CCND3: variants seen among roughly 807,000 people sequenced by gnomAD.
The protein encoded by CCND3 is cyclin D3, also known as G1/S-specific cyclin-D3.
In CCND3, 9 loss-of-function variants were observed where a neutral mutation model predicts 28.7. That is an observed-to-expected ratio of 0.31 (90% CI 0.19 to 0.55). The LOEUF (loss-of-function observed/expected upper bound fraction) is 0.55, where lower values mean the gene tolerates loss of function less well. CCND3 is among the 20% of genes least tolerant of loss of function. The probability of loss-of-function intolerance (pLI) is 0.93; values close to 1 mark genes in which losing one functional copy is unlikely to be tolerated. For missense variants in CCND3, 315 were observed against 385.8 expected, an observed-to-expected ratio of 0.82 and a Z score of 1.54; for synonymous variants, 164 against 163.9, an observed-to-expected ratio of 1.00 and a Z score of 0.00.
intron 1 of CCND3, among the ~76,000 whole-genome samples, chr6:42,034,468 C>CTCA (rs1554168156): frequency 2.0e-5 from 1 of 50,978 alleles, no homozygotes; most frequent in East Asian, 6.7e-4. Context: ...CCCTGTCACT[C>CTCA]TTTTTTTTTT....
intron 1 of CCND3, among the ~76,000 whole-genome samples, chr6:42,029,559 C>T (rs1179005413): frequency 1.3e-5 from 2 of 151,930 alleles, no homozygotes; most frequent in African/African-American, 4.8e-5. Context: ...TCACTGGGGC[C>T]GGGCACAGTG....
intron 1 of CCND3, among the ~76,000 whole-genome samples, chr6:41,972,240 A>AGAAAAGAAAAGAAAAG (rs1554162049): frequency 1.0e-5 from 1 of 99,738 alleles, no homozygotes; most frequent in Non-Finnish European, 2.0e-5. Context: ...AAAAAAAAAA[A>AGAAAAGAAAAGAAAAG]AAAAGAAAAG....
chr6:42,049,923 TAAG>T (rs1764685064), upstream of CCND3: 1 of 152,210 alleles, frequency 6.6e-6, no homozygotes, highest in Non-Finnish European at 1.5e-5. Context: ...TTACTAATAA[TAAG>T]ACAAGTTTGG....
intron 1 of CCND3, among the ~76,000 whole-genome samples, chr6:42,026,638 T>A (rs755502859): frequency 6.6e-6 from 1 of 152,080 alleles, no homozygotes; most frequent in Non-Finnish European, 1.5e-5. Flanking sequence ...AAAATCCACT[T>A]TCCCTTCTTG....
intron 1 of CCND3, among the ~76,000 whole-genome samples, chr6:41,951,563 C>A (rs1472891423): frequency 2.1e-4 from 16 of 77,010 alleles, no homozygotes; most frequent in African/African-American, 6.5e-4. Flanking sequence ...CACACACACA[C>A]ACACACACAC....
At position 42,025,217 on chromosome 6, in the gene CCND3, A is replaced by G. The variant is rs1175658854; in HGVS notation, c.-46+23284T>C. Among the ~76,000 whole-genome samples, 3 of 152,348 alleles carry G rather than the reference A, an allele frequency of 2.0e-5. 1 individual carries two copies. The highest frequency in any genetic ancestry group is 2.0e-4 in the Admixed American group (3 of 15,298). On this transcript the variant is annotated intron_variant, in intron 1 of 4. Transcript: ENST00000372988. The stretch of plus-strand genomic sequence containing the variant: ...TGTGAGAGGAAACAGGGAGCCTGAC[A>G]GCTCTCCGAGCAGGCCAGGGCAGGG...
Position 41,936,803 on chromosome 6 carries a change from G to A in CCND3, c.575-108C>T. On this transcript the variant is annotated intron_variant, in intron 3 of 4. Coordinates refer to ENST00000372991, the MANE Select transcript of CCND3 (RefSeq NM_001760.5). This position sits in a 1 kb window ranked among gnomAD's most constrained non-coding sequence, Gnocchi z 4.4. ...GCCAGGCAGCATGAGTAGAGCAGAG[G>A]ACATGCTGGAAAACTCCAGCAGTGG... The A allele has an allele frequency of 1.7e-6, 2 of 1,186,912 alleles. No homozygotes were observed. Among genetic ancestry groups the A allele is most frequent in the South Asian group, 1.5e-5 (1 of 66,882 alleles). 73.5% of individuals were successfully genotyped at this position (1,186,912 alleles called of 1,614,324 possible).
At chr6:41,951,382 G>A (rs951885786) in intron 1 of CCND3, among the ~76,000 whole-genome samples, 2 of 151,604 alleles carry the variant, frequency 1.3e-5, no homozygotes, top group South Asian at 4.2e-4. Context: ...GTGAAACCCC[G>A]TCTGTACTAA....
chr6:42,042,764 A>C (rs558683733), intron 1 of CCND3, among the ~76,000 whole-genome samples: 1 of 152,280 alleles, frequency 6.6e-6, no homozygotes, highest in African/African-American at 2.4e-5. Flanking sequence ...GTGAGGATGC[A>C]AAAAAGACAC....
intron 1 of CCND3, among the ~76,000 whole-genome samples, chr6:41,986,904 A>G (rs946099417): frequency 2.0e-5 from 3 of 152,078 alleles, no homozygotes; most frequent in Admixed American, 1.3e-4. Context: ...TCAGGCCCAT[A>G]CTTGCATGAT....
chr6:41,975,672 G>A (rs1265690109), intron 1 of CCND3, among the ~76,000 whole-genome samples: 1 of 151,984 alleles, frequency 6.6e-6, no homozygotes. Context: ...GACTCACTGG[G>A]AGTAGTGAAA....
chr6:41,960,712 G>A (rs1761696479), intron 1 of CCND3, among the ~76,000 whole-genome samples: 1 of 152,206 alleles, frequency 6.6e-6, no homozygotes, highest in Non-Finnish European at 1.5e-5. Flanking sequence ...CATGGTGGAT[G>A]GATGGACAGA....
intron 1 of CCND3, among the ~76,000 whole-genome samples, chr6:41,990,660 ATTTTTTTTTTTTTTTTT>A (rs67939325): frequency 2.5e-5 from 3 of 121,276 alleles, no homozygotes; most frequent in Non-Finnish European, 3.3e-5. Context: ...TAACCAACTG[ATTTTTTTTTTTTTTTTT>A]TTTTTTTTTT....
At chr6:42,029,837 CAA>C (rs34732029) in intron 1 of CCND3, among the ~76,000 whole-genome samples, 288 of 118,170 alleles carry the variant, frequency 2.4e-3, no homozygotes, top group African/African-American at 4.8e-3. Context: ...AACTCTGTCT[CAA>C]AAAAAAAAAA....
chr6:41,938,841 T>G lies in CCND3; in HGVS notation c.415-1447A>C, dbSNP rs1190702105. Among the ~76,000 whole-genome samples the G allele has an allele frequency of 6.6e-6, 1 of 152,148 alleles. No individual in the cohort carries two copies. The highest frequency in any genetic ancestry group is 6.5e-5 in the Admixed American group (1 of 15,280). ...TGCCCTCCTTCCTTGGGCCTCAGCC[T>G]CCTCTGCTGCACACGGATTTGGACC... On this transcript the variant is annotated intron_variant, in intron 2 of 4. Transcript: ENST00000372991. The surrounding 1 kb of genome is among the most constrained non-coding windows in gnomAD (Gnocchi z 4.6).
At chr6:41,964,472 GTGAGTGTGTGTGAA>G (rs1218299781) in intron 1 of CCND3, among the ~76,000 whole-genome samples, 1 of 134,014 alleles carries the variant, frequency 7.5e-6, no homozygotes, top group African/African-American at 3.1e-5. Context: ...GAGTGTGTGT[GTGAGTGTGTGTGAA>G]TGTGTGTGTG....
intron 1 of CCND3, among the ~76,000 whole-genome samples, chr6:42,044,916 G>A (rs1292404155): frequency 5.3e-5 from 8 of 149,886 alleles, no homozygotes; most frequent in Admixed American, 5.3e-4. Context: ...AGCCTCCTGA[G>A]TAGGTGGGAT....
intron 1 of CCND3, among the ~76,000 whole-genome samples, chr6:41,955,808 C>T (rs1018022319): frequency 2.6e-4 from 39 of 151,668 alleles, no homozygotes; most frequent in African/African-American, 8.2e-4. Flanking sequence ...AAAAATTAGC[C>T]AGGTATGGTG....
At position 41,935,087 on chromosome 6, in the gene CCND3, C is replaced by T. The variant is rs1775723968; in HGVS notation, c.*853G>A. 1 of 233,258 alleles carries T rather than the reference C, an allele frequency of 4.3e-6. No individual in the cohort carries two copies. Among genetic ancestry groups the T allele is most frequent in the Non-Finnish European group, 8.5e-6 (1 of 118,102 alleles). The allele number at this position is 233,258 out of a possible 1,614,324, so 14.4% of individuals were successfully genotyped here. A position where few individuals can be genotyped will look rare whatever the true frequency, so the allele number is the denominator to read the frequency against. On this transcript the variant is annotated 3_prime_UTR_variant, in exon 5 of 5. Transcript: ENST00000372991. ...GACAGGGGCTCAGCCACCTCCAGGG[C>T]ATCCCTGCTGCATTTTCCCTGCTGG...
Sources: gnomAD v4.1 joint callset for allele counts (sites outside exome capture counted in the v4.1 genomes callset) on GRCh38, gnomAD v4.1.1 for gene constraint, Gnocchi (gnomAD v3.1) non-coding constraint, MANE v1.5 for transcripts, NCBI Gene and HGNC (gene_info 2026-07-23, HGNC 2026-07-21) for gene names.